The following THSD7A variants were observed in gnomAD, a reference collection of about 807,000 sequenced individuals.
THSD7A encodes thrombospondin type 1 domain containing 7A.
THSD7A carries 96 observed loss-of-function variants against 231.3 expected under a neutral mutation model. The observed-to-expected ratio is 0.41, with a 90% CI of 0.35 to 0.49. THSD7A has a LOEUF of 0.49. THSD7A is among the 20% of genes least tolerant of loss of function. The pLI is 0.05. For synonymous variants in THSD7A, 940 were observed against 743.3 expected, an observed-to-expected ratio of 1.26 and a Z score of -4.30; for missense variants, 2,290 against 2,070.2, an observed-to-expected ratio of 1.11 and a Z score of -2.06.
intron 2 of THSD7A, among the ~76,000 whole-genome samples, chr7:11,601,296 C>T (rs1467171663): frequency 6.6e-6 from 1 of 152,044 alleles, no homozygotes; most frequent in African/African-American, 2.4e-5. Flanking sequence ...TGGTTGACTG[C>T]CTCTAGTTAG....
chr7:11,541,277 G>C, intron 6 of THSD7A, 142 bp downstream of exon 6: 2 of 786,040 alleles, frequency 2.5e-6, no homozygotes, highest in South Asian at 1.6e-5. Context: ...GGGAAAGAGA[G>C]GGAGGGAGAG....
intron 1 of THSD7A, among the ~76,000 whole-genome samples, chr7:11,802,287 C>T (rs550527981): frequency 6.6e-6 from 1 of 152,284 alleles, no homozygotes; most frequent in East Asian, 1.9e-4. Context: ...ATACCTGGCC[C>T]ACCCTACTAT....
At chr7:11,631,610 C>T (rs921903589) in intron 2 of THSD7A, among the ~76,000 whole-genome samples, 7 of 151,988 alleles carry the variant, frequency 4.6e-5, no homozygotes, top group Non-Finnish European at 7.4e-5. Context: ...GAAAACAAAA[C>T]GTGGATTGGT....
chr7:11,526,978 G>T (rs573916862), intron 6 of THSD7A, among the ~76,000 whole-genome samples: 1 of 152,138 alleles, frequency 6.6e-6, no homozygotes, highest in Admixed American at 6.5e-5. Context: ...TGAAATGAAA[G>T]AATGAATGAG....
chr7:11,614,379 G>A (rs902995852), intron 2 of THSD7A, among the ~76,000 whole-genome samples: 7 of 152,142 alleles, frequency 4.6e-5, no homozygotes, highest in Non-Finnish European at 7.4e-5. Flanking sequence ...AACAAAAAGG[G>A]GAGATTTACT....
At chr7:11,782,347 G>A (rs139541671) in intron 1 of THSD7A, among the ~76,000 whole-genome samples, 59 of 152,140 alleles carry the variant, frequency 3.9e-4, no homozygotes, top group African/African-American at 1.2e-3. Context: ...AATATTTTTC[G>A]AGATGGGCCT....
chr7:11,574,007 T>C (rs1179075758), intron 4 of THSD7A, among the ~76,000 whole-genome samples: 1 of 152,202 alleles, frequency 6.6e-6, no homozygotes, highest in Non-Finnish European at 1.5e-5. Context: ...TATTTTGTCA[T>C]TTTAAGAGCA....
intron 14 of THSD7A, among the ~76,000 whole-genome samples, chr7:11,428,188 T>C (rs914509272): frequency 2.0e-5 from 3 of 152,202 alleles, no homozygotes; most frequent in Non-Finnish European, 4.4e-5. Context: ...TAAATTCAAA[T>C]ACACAACTTA....
At chr7:11,650,355 G>A (rs1160361865) in intron 1 of THSD7A, among the ~76,000 whole-genome samples, 4 of 152,000 alleles carry the variant, frequency 2.6e-5, no homozygotes, top group Non-Finnish European at 1.5e-5. Flanking sequence ...TTCCAAAGAT[G>A]TTATGCTAGA....
At chr7:11,482,026 T>C (rs1345151281) in intron 6 of THSD7A, 44 bp from the exon 7 acceptor site, 8 of 1,532,858 alleles carry the variant, frequency 5.2e-6, no homozygotes, top group Non-Finnish European at 7.1e-6. Context: ...GTTAAATTAA[T>C]GTAAAATGAG....
chr7:11,791,137 T>C (rs550354001), intron 1 of THSD7A, among the ~76,000 whole-genome samples: 97 of 152,100 alleles, frequency 6.4e-4, no homozygotes, highest in African/African-American at 2.1e-3. Context: ...AGAAGACATT[T>C]GACAACTTTA....
intron 23 of THSD7A, chr7:11,385,631 AT>A (rs1293975510): frequency 6.6e-6 from 1 of 152,048 alleles, no homozygotes; most frequent in Non-Finnish European, 1.5e-5. Context: ...TTATCTTTGT[AT>A]TTCAACAATT....
chr7:11,413,140 G>A (rs965533380), intron 17 of THSD7A, among the ~76,000 whole-genome samples: 3 of 151,264 alleles, frequency 2.0e-5, no homozygotes, highest in Non-Finnish European at 4.4e-5. Context: ...ATATGTTTGT[G>A]GATTACGTAT....
At chr7:11,668,533 G>T (rs1171048229) in intron 1 of THSD7A, among the ~76,000 whole-genome samples, 1 of 138,070 alleles carries the variant, frequency 7.2e-6, no homozygotes, top group African/African-American at 2.7e-5. Context: ...AAGACAGAAA[G>T]AAAGAAAGAG....
chr7:11,397,014 G>A (rs1583666269), intron 23 of THSD7A, among the ~76,000 whole-genome samples: 1 of 152,124 alleles, frequency 6.6e-6, no homozygotes, highest in South Asian at 2.1e-4. Flanking sequence ...CACATAAATA[G>A]AACCAATGAC....
chr7:11,644,439 T>C (rs937026479), intron 1 of THSD7A, among the ~76,000 whole-genome samples: 17 of 151,978 alleles, frequency 1.1e-4, no homozygotes, highest in African/African-American at 4.1e-4. Flanking sequence ...TAAATTTCTT[T>C]CAAAGGAAAA....
intron 4 of THSD7A, among the ~76,000 whole-genome samples, chr7:11,553,096 C>T (rs12699223): frequency 0.17 from 25,808 of 151,962 alleles, 2,197 homozygotes; most frequent in Admixed American, 0.19. Context: ...AGGGTATATA[C>T]CCCAGACAAC....
intron 1 of THSD7A, among the ~76,000 whole-genome samples, chr7:11,764,459 T>C (rs1432413338): frequency 1.3e-5 from 2 of 151,798 alleles, no homozygotes; most frequent in Admixed American, 1.3e-4. Flanking sequence ...CAGGCGCCTG[T>C]TGTCCCAGCT....
intron 1 of THSD7A, among the ~76,000 whole-genome samples, chr7:11,696,552 G>A (rs1236324908): frequency 6.6e-6 from 1 of 151,282 alleles, no homozygotes; most frequent in East Asian, 2.0e-4. Context: ...AGCCCTGCAT[G>A]GATTAGGTAT....
Sources: gnomAD v4.1 joint callset for allele counts (sites outside exome capture counted in the v4.1 genomes callset) on GRCh38, gnomAD v4.1.1 for gene constraint, MANE v1.5 for transcripts, NCBI Gene and HGNC (gene_info 2026-07-23, HGNC 2026-07-21) for gene names.